Variants in LATS2 observed in about 807,000 individuals in gnomAD.
LATS2 encodes serine/threonine-protein kinase LATS2.
Under a neutral mutation model 76.0 loss-of-function variants are expected in LATS2, and 24 were observed. That is an observed-to-expected ratio of 0.32 (90% CI 0.23 to 0.44). LATS2 has a LOEUF of 0.44. Ranked by LOEUF, LATS2 falls within the 20% of genes least tolerant of loss-of-function variation. LATS2 has a pLI of 1.00. For synonymous variants in LATS2, 692 were observed against 635.4 expected, an observed-to-expected ratio of 1.09 and a Z score of -1.34; for missense variants, 1,286 against 1,481.2, an observed-to-expected ratio of 0.87 and a Z score of 2.16.
At chr13:21,014,908 G>A (rs1028903627) in intron 2 of LATS2, among the ~76,000 whole-genome samples, 1 of 152,184 alleles carries the variant, frequency 6.6e-6, no homozygotes. Context: ...TTTATGACAC[G>A]TTAGTTTTGA....
intron 2 of LATS2, among the ~76,000 whole-genome samples, chr13:21,041,185 G>A (rs1237747478): frequency 1.3e-5 from 2 of 152,076 alleles, no homozygotes; most frequent in Non-Finnish European, 2.9e-5. Flanking sequence ...TGTTAGCCAG[G>A]ATGGTCTCGA....
chr13:20,997,738 C>A (rs913357696), intron 2 of LATS2, among the ~76,000 whole-genome samples: 1 of 152,234 alleles, frequency 6.6e-6, no homozygotes, highest in Admixed American at 6.5e-5. Flanking sequence ...AACTGGAAGA[C>A]ACTCCTTCAA....
At chr13:20,998,167 C>T (rs2097242648) in intron 2 of LATS2, among the ~76,000 whole-genome samples, 1 of 151,982 alleles carries the variant, frequency 6.6e-6, no homozygotes, top group South Asian at 2.1e-4. Context: ...TCAAGACCAG[C>T]CTGGGCAAGA....
In LATS2 at chr13:20,988,286, G is replaced by C; in HGVS notation, c.1494C>G (p.Gly498=). The C allele has an allele frequency of 6.3e-7, 1 of 1,586,710 alleles. No homozygotes were observed. The highest frequency in any genetic ancestry group is 1.1e-5 in the South Asian group (1 of 89,688). Residue 498 remains glycine (G), a synonymous_variant, in exon 4 of 8, where the codon GGC becomes GGG. Coordinates refer to ENST00000382592, the MANE Select transcript of LATS2 (RefSeq NM_014572.3). ...CGTACTCCACGTCCAGCGGGAAGGC[G>C]CCTGCGCCGCCCAGCGCCAGGGCAT... ...EEHALALGGA[G]AFPLDVEYGG... is the part of the protein sequence containing the mutation.
chr13:21,043,084 A>C (rs1413280352), intron 2 of LATS2, among the ~76,000 whole-genome samples: 1 of 152,180 alleles, frequency 6.6e-6, no homozygotes, highest in African/African-American at 2.4e-5. Context: ...CTGTAATCCC[A>C]GCACCTTGGG....
rs746430074 is a variant in LATS2 at position 20,974,827 on chromosome 13, C to A, written c.*43G>T. ...CTGTGAGGGCACCGGCTCCGGGACC[C>A]TGACCTGGGAGGCAGCGAGTGGTGG... On this transcript the variant is annotated 3_prime_UTR_variant, in exon 8 of 8. Coordinates refer to ENST00000382592, the MANE Select transcript of LATS2 (RefSeq NM_014572.3). 4 of 1,562,626 alleles carry A rather than the reference C, an allele frequency of 2.6e-6. No homozygotes were observed. The highest frequency in any genetic ancestry group is 4.5e-5 in the East Asian group (2 of 44,488).
At position 20,976,121 on chromosome 13, in the gene LATS2, G is replaced by C. The variant is rs1013758229; in HGVS notation, c.2773-757C>G. Reference sequence around the variant, plus strand: ...AACTGCACAAACCAGCCATCTGGACGTTCAGTAAATGCACTTGTTGTAGAG... The same window carrying C: ...AACTGCACAAACCAGCCATCTGGACCTTCAGTAAATGCACTTGTTGTAGAG... On this transcript the variant is annotated intron_variant, in intron 7 of 7. Coordinates refer to ENST00000382592, the MANE Select transcript of LATS2 (RefSeq NM_014572.3). Among the ~76,000 whole-genome samples, 93 of 149,684 alleles carry C rather than the reference G, an allele frequency of 6.2e-4. 1 individual carries two copies. Among genetic ancestry groups the C allele is most frequent in the African/African-American group, 2.3e-3 (92 of 40,432 alleles).
At chr13:21,022,875 T>A (rs577476540) in intron 2 of LATS2, among the ~76,000 whole-genome samples, 1 of 152,334 alleles carries the variant, frequency 6.6e-6, no homozygotes, top group Admixed American at 6.5e-5. Context: ...TTAAAGGAAA[T>A]AATCATGTTT....
intron 2 of LATS2, among the ~76,000 whole-genome samples, chr13:21,007,760 ATTT>A (rs1202476922): frequency 0.02 from 90 of 4,568 alleles, 16 homozygotes; most frequent in South Asian, 0.061. Flanking sequence ...ATATATATAT[ATTT>A]TTTTTTTTTT....
chr13:21,060,139 G>A (rs1187558986), intron 1 of LATS2, among the ~76,000 whole-genome samples: 1 of 152,106 alleles, frequency 6.6e-6, no homozygotes, highest in African/African-American at 2.4e-5. Flanking sequence ...CCTTCTTCAG[G>A]GTCCATTCCT....
At position 21,045,700 on chromosome 13, in the gene LATS2, G is replaced by A. The variant is rs139318881; in HGVS notation, c.327C>T (p.Asn109=). 7.5e-4 allele frequency: 1,216 copies of A among 1,613,830 alleles called. 22 individuals carry two copies. In the South Asian group the frequency reaches 0.012, roughly 16 times the overall value. The change falls in exon 2 of 8, where the codon AAC becomes AAT. Residue 109 remains asparagine, a synonymous_variant. Transcript: ENST00000382592. ...CTGTACCCACCTGGTCGCATCCTGC[G>A]TTCACCAGTTCCTGCAGCATTTGCC... The part of the protein sequence containing the change: ...VNRQMLQELV[N]AGCDQEMAGR...
intron 2 of LATS2, among the ~76,000 whole-genome samples, chr13:21,014,193 GCAGGTCACTCC>G (rs1301113632): frequency 3.3e-5 from 5 of 152,114 alleles, no homozygotes; most frequent in East Asian, 1.9e-4. Flanking sequence ...GGAAAGGCGC[GCAGGTCACTCC>G]CAGGTCACTC....
Position 20,988,535 on chromosome 13 carries a change from C to A in LATS2, c.1245G>T (p.Arg415=). ...RTNSFNSHQP[R]PGPPGKAEPS... is the part of the protein sequence containing the mutation. ...GCTCGGCCTTGCCAGGCGGACCGGG[C>A]CGCGGCTGGTGGCTGTTGAAGGAGT... The change falls in exon 4 of 8, where the codon CGG becomes CGT. Residue 415 remains arginine, a synonymous_variant. Coordinates refer to ENST00000382592, the MANE Select transcript of LATS2 (RefSeq NM_014572.3). 6.4e-7 allele frequency: 1 copy of A among 1,573,308 alleles called. No homozygotes were observed. The highest frequency in any genetic ancestry group is 1.1e-5 in the South Asian group (1 of 87,596).
chr13:21,021,474 C>CAAAAAAAAAAAAAAAAAAAAAAAAAAAAA (rs58976562), intron 2 of LATS2, among the ~76,000 whole-genome samples: 1 of 48,372 alleles, frequency 2.1e-5, no homozygotes, highest in African/African-American at 6.9e-5. Flanking sequence ...GACTCTGTCT[C>CAAAAAAAAAAAAAAAAAAAAAAAAAAAAA]AAAAAAAAAA....
chr13:21,034,964 T>C (rs943204307), intron 2 of LATS2, among the ~76,000 whole-genome samples: 1 of 152,196 alleles, frequency 6.6e-6, no homozygotes, highest in African/African-American at 2.4e-5. Flanking sequence ...AGCACAGTGG[T>C]TCATGCCTGT....
At chr13:21,051,872 A>G (rs1873283498) in intron 1 of LATS2, among the ~76,000 whole-genome samples, 1 of 152,150 alleles carries the variant, frequency 6.6e-6, no homozygotes, top group African/African-American at 2.4e-5. Context: ...TGGGAGAATC[A>G]CTTAAACCCA....
intron 4 of LATS2, among the ~76,000 whole-genome samples, chr13:20,985,882 C>T (rs1361240816): frequency 6.6e-6 from 1 of 151,978 alleles, no homozygotes; most frequent in African/African-American, 2.4e-5. Context: ...CCTGTCTCTA[C>T]AAAAACATAA....
intron 2 of LATS2, among the ~76,000 whole-genome samples, chr13:21,037,441 C>A (rs1000995130): frequency 4.6e-5 from 7 of 150,942 alleles, no homozygotes; most frequent in Non-Finnish European, 1.0e-4. Flanking sequence ...TTTTAAAAGA[C>A]TATTCAATGG....
chr13:21,011,854 CT>C (rs1329593417), intron 2 of LATS2, among the ~76,000 whole-genome samples: 10 of 152,192 alleles, frequency 6.6e-5, no homozygotes, highest in Non-Finnish European at 1.5e-4. Flanking sequence ...CCCTACACAC[CT>C]AGGCTAGATG....
Sources: gnomAD v4.1 joint callset for allele counts (sites outside exome capture counted in the v4.1 genomes callset) on GRCh38, gnomAD v4.1.1 for gene constraint, MANE v1.5 for transcripts, NCBI Gene and HGNC (gene_info 2026-07-23, HGNC 2026-07-21) for gene names.